Variants in FMNL2 observed in about 807,000 individuals in gnomAD.
FMNL2 encodes formin like 2.
FMNL2 carries 51 observed loss-of-function variants against 130.2 expected under a neutral mutation model. The observed-to-expected ratio is 0.39, with a 90% CI of 0.31 to 0.49. The LOEUF (loss-of-function observed/expected upper bound fraction) is 0.49. FMNL2 is among the 20% of genes least tolerant of loss of function. The pLI, the probability that FMNL2 is intolerant of heterozygous loss-of-function variation, is 0.85. For missense variants in FMNL2, 977 were observed against 1,316.2 expected, an observed-to-expected ratio of 0.74 and a Z score of 3.99; for synonymous variants, 465 against 467.1, an observed-to-expected ratio of 1.00 and a Z score of 0.06.
chr2:152,626,393 A>G (rs1474257006), intron 16 of FMNL2, 132 bp from the exon 17 acceptor site: 32 of 710,472 alleles, frequency 4.5e-5, no homozygotes, highest in Non-Finnish European at 6.5e-5. Context: ...CAAGAAAAAT[A>G]GAGGAAGCCA....
At chr2:152,644,306 A>G (rs1369931126) in intron 25 of FMNL2, among the ~76,000 whole-genome samples, 1 of 152,238 alleles carries the variant, frequency 6.6e-6, no homozygotes, top group African/African-American at 2.4e-5. Context: ...TACCCAGTTA[A>G]TATGCTTTGA....
At chr2:152,469,488 G>A (rs1689737393) in intron 1 of FMNL2, among the ~76,000 whole-genome samples, 1 of 152,122 alleles carries the variant, frequency 6.6e-6, no homozygotes, top group Non-Finnish European at 1.5e-5. Flanking sequence ...ACCCACAGCT[G>A]CACCCGTCTT....
intron 1 of FMNL2, among the ~76,000 whole-genome samples, chr2:152,451,075 G>A (rs1047335483): frequency 2.0e-5 from 3 of 152,186 alleles, no homozygotes; most frequent in Non-Finnish European, 2.9e-5. Flanking sequence ...ACCATGGGAG[G>A]AGATAACTGC....
At chr2:152,639,867 T>G (rs976912978) in intron 23 of FMNL2, 91 bp from the exon 24 acceptor site, 5 of 1,077,446 alleles carry the variant, frequency 4.6e-6, no homozygotes, top group Non-Finnish European at 6.6e-6. Flanking sequence ...AATTCTCAAC[T>G]CACTAAGGAT....
At chr2:152,518,769 T>G (rs181777366) in intron 1 of FMNL2, among the ~76,000 whole-genome samples, 2 of 152,320 alleles carry the variant, frequency 1.3e-5, no homozygotes, top group East Asian at 3.9e-4. Context: ...TAAGCTGCCA[T>G]CATTCACTTG....
chr2:152,609,731 A>G (rs969752139), intron 10 of FMNL2, among the ~76,000 whole-genome samples: 2 of 152,128 alleles, frequency 1.3e-5, no homozygotes, highest in African/African-American at 4.8e-5. Context: ...TGTATACCAT[A>G]TCTTCAAAGA....
chr2:152,359,498 A>G (rs912060360), intron 1 of FMNL2, among the ~76,000 whole-genome samples: 1 of 127,426 alleles, frequency 7.8e-6, no homozygotes, highest in South Asian at 2.5e-4. Context: ...TTTTTTTCAC[A>G]TAACAGGTAA....
At chr2:152,533,941 C>T (rs1413425103) in intron 2 of FMNL2, among the ~76,000 whole-genome samples, 2 of 152,034 alleles carry the variant, frequency 1.3e-5, no homozygotes, top group Admixed American at 6.6e-5. Flanking sequence ...AACCTCCCAC[C>T]ACTTCATTTA....
chr2:152,623,336 T>A (rs1681497148), intron 15 of FMNL2, among the ~76,000 whole-genome samples: 1 of 152,160 alleles, frequency 6.6e-6, no homozygotes, highest in Admixed American at 6.5e-5. Context: ...TGTTCCTTTG[T>A]CCCATCGAGA....
chr2:152,643,092 T>G (rs936761594), intron 25 of FMNL2, among the ~76,000 whole-genome samples: 8 of 152,170 alleles, frequency 5.3e-5, no homozygotes, highest in African/African-American at 1.9e-4. Flanking sequence ...CAATTACACC[T>G]GGCGTTATAA....
chr2:152,619,182 T>C lies in FMNL2; in HGVS notation c.1627+24T>C, dbSNP rs780879537. 1.4e-5 allele frequency: 21 copies of C among 1,526,484 alleles called. No homozygotes were observed. In the South Asian group the frequency reaches 2.4e-4, roughly 17 times the overall value. 94.6% of individuals were successfully genotyped at this position (1,526,484 alleles called of 1,614,324 possible). On this transcript the variant is annotated intron_variant, in intron 14 of 25. Transcript: ENST00000288670. ...AGGTAAGAAGCCTTGGCAGGAGGAC[T>C]GAGGAAGTTTTGGAATATTTGTATT...
At chr2:152,376,547 G>A (rs1684188480) in intron 1 of FMNL2, among the ~76,000 whole-genome samples, 1 of 152,190 alleles carries the variant, frequency 6.6e-6, no homozygotes, top group Admixed American at 6.5e-5. Context: ...GGATGTCTCA[G>A]GAATGTGAGA....
chr2:152,450,997 T>C (rs919962533), intron 1 of FMNL2, among the ~76,000 whole-genome samples: 15 of 152,350 alleles, frequency 9.8e-5, no homozygotes, highest in African/African-American at 3.6e-4. Context: ...TCTACTTTTG[T>C]TCTGCCTTCT....
intron 1 of FMNL2, among the ~76,000 whole-genome samples, chr2:152,365,497 C>T (rs920301896): frequency 1.1e-4 from 16 of 152,154 alleles, no homozygotes; most frequent in African/African-American, 3.4e-4. Context: ...CATGACCGGG[C>T]GTGGTGGCTC....
At chr2:152,500,725 G>A (rs1691775556) in intron 1 of FMNL2, among the ~76,000 whole-genome samples, 1 of 152,148 alleles carries the variant, frequency 6.6e-6, no homozygotes. Context: ...GCGGGTGCCT[G>A]TAATTCTAGC....
intron 2 of FMNL2, among the ~76,000 whole-genome samples, chr2:152,540,521 A>C (rs1016352541): frequency 2.0e-5 from 3 of 152,076 alleles, no homozygotes; most frequent in African/African-American, 7.2e-5. Flanking sequence ...ATTATTTTTA[A>C]ATAAAGGGAA....
At chr2:152,519,810 T>C (rs1451388600) in intron 1 of FMNL2, among the ~76,000 whole-genome samples, 2 of 152,124 alleles carry the variant, frequency 1.3e-5, no homozygotes, top group South Asian at 2.1e-4. Context: ...CTTGTAGGAG[T>C]TCAGGCATTC....
Position 152,349,577 on chromosome 2 carries a change from C to T in FMNL2, c.117+13857C>T, listed in dbSNP as rs985370113. ...TCTGTACTAAACTCATTATTTCATA[C>T]AATAGCTGCTTTGAATGAGTCCAAC... On this transcript the variant is annotated intron_variant, in intron 1 of 25. Coordinates refer to ENST00000288670, the MANE Select transcript of FMNL2 (RefSeq NM_052905.4). Among the ~76,000 whole-genome samples, 54 of 152,202 alleles carry T rather than the reference C, an allele frequency of 3.5e-4. 2 individuals are homozygous for T. Among genetic ancestry groups the T allele is most frequent in the Non-Finnish European group, 2.9e-5 (2 of 68,034 alleles).
chr2:152,637,532 G>A, intron 22 of FMNL2, 41 bp from the exon 23 acceptor site: 1 of 1,523,886 alleles, frequency 6.6e-7, no homozygotes, highest in Non-Finnish European at 9.1e-7. Context: ...CAGTTCAAAT[G>A]CCTAACTAAT....
Sources: gnomAD v4.1 joint callset for allele counts (sites outside exome capture counted in the v4.1 genomes callset) on GRCh38, gnomAD v4.1.1 for gene constraint, MANE v1.5 for transcripts, NCBI Gene and HGNC (gene_info 2026-07-23, HGNC 2026-07-21) for gene names.